The following TSR1 variants were observed in gnomAD, a reference collection of about 807,000 sequenced individuals.
TSR1 encodes the protein TSR1 ribosome maturation factor.
A neutral mutation model predicts 90.9 loss-of-function variants in TSR1; 81 were observed. The ratio of observed to expected loss-of-function variants is 0.89; its 90% confidence interval spans 0.74 to 1.07. TSR1 has a LOEUF of 1.07. TSR1 is among the 50% of genes least tolerant of loss of function. The pLI is 0.00. For missense variants in TSR1, 989 were observed against 987.3 expected (o/e 1.00, Z -0.02); for synonymous variants, 362 against 348.8 (o/e 1.04, Z -0.42).
chr17:2,335,157 C>G (rs569651091), intron 4 of TSR1, 103 bp downstream of exon 4: 2 of 1,305,632 alleles, frequency 1.5e-6, no homozygotes, highest in Non-Finnish European at 1.1e-6. Context: ...ATGTGTACAT[C>G]CCACCACCAG....
In TSR1 at chr17:2,322,807, C is replaced by T. The variant is rs147622777; in HGVS notation, c.*1389G>A. ...CTGGGATTACAGGCGTGAGCCACTG[C>T]GCCCCACCCCATTTTGGTGTGATCT... On this transcript the variant is annotated 3_prime_UTR_variant, in exon 15 of 15. Transcript: ENST00000301364. The T allele has an allele frequency of 6.1e-3, 1,978 of 322,054 alleles. 101 individuals are homozygous for T. In the Admixed American group the frequency reaches 0.08, roughly 13 times the overall value. 19.9% of individuals were successfully genotyped at this position (322,054 alleles called of 1,614,324 possible). A position where few individuals can be genotyped will look rare whatever the true frequency, so the allele number is the denominator to read the frequency against.
intron 7 of TSR1, among the ~76,000 whole-genome samples, 159 bp downstream of exon 7, chr17:2,332,802 A>C (rs1023337797): frequency 6.6e-6 from 1 of 152,056 alleles, no homozygotes; most frequent in African/African-American, 2.4e-5. Context: ...GCACCACTGC[A>C]CTCCAGCCTG....
chr17:2,334,526 G>A lies in TSR1; in HGVS notation c.927C>T (p.Phe309=), dbSNP rs1365745785. The change falls in exon 5 of 15, where the codon TTC becomes TTT. Residue 309 remains phenylalanine (F), a synonymous_variant. Transcript: ENST00000301364. Reference sequence around the variant, plus strand: ...GTTTAATTCCTCTAGGATTTAAAGGGAAAGGGTCTCCGGGGGCATCTATCT... The same window carrying A: ...GTTTAATTCCTCTAGGATTTAAAGGAAAAGGGTCTCCGGGGGCATCTATCT... ...MKQIDAPGDP[F]PLNPRGIKPQ... 1.2e-6 allele frequency: 2 copies of A among 1,614,124 alleles called. No individual in the cohort carries two copies. Among genetic ancestry groups the A allele is most frequent in the Non-Finnish European group, 8.5e-7 (1 of 1,180,032 alleles).
rs1466886355 is a variant in TSR1, at chr17:2,325,339, G to C, written c.1985C>G (p.Pro662Arg). ...TTGCTTGAAAAGCAGCACAGATGCA[G>C]GAGGAAAAGTGATTGGCGCATAGAC... ...ATVYAPITFP[P>R]ASVLLFKQKS... The change falls in exon 12 of 15, where the codon CCT becomes CGT. Residue 662 changes from proline (P) to arginine (R), a missense_variant. Coordinates refer to ENST00000301364, the MANE Select transcript of TSR1 (RefSeq NM_018128.5). The C allele has an allele frequency of 6.2e-7, 1 of 1,613,478 alleles. No individual in the cohort carries two copies. Among genetic ancestry groups the C allele is most frequent in the Non-Finnish European group, 8.5e-7 (1 of 1,179,930 alleles).
At chr17:2,331,287 C>G (rs1350078777) in intron 8 of TSR1, among the ~76,000 whole-genome samples, 178 bp from the exon 9 acceptor site, 2 of 152,200 alleles carry the variant, frequency 1.3e-5, no homozygotes, top group Non-Finnish European at 2.9e-5. Context: ...CAAGTTCTAT[C>G]GGAACCAAAC....
intron 2 of TSR1, 61 bp downstream of exon 2, chr17:2,335,976 G>C: frequency 6.5e-7 from 1 of 1,549,866 alleles, no homozygotes. Flanking sequence ...TTTCCACTTC[G>C]AGGCATTAGC....
At position 2,334,694 on chromosome 17, in the gene TSR1, T is replaced by C. The variant is rs535111490; in HGVS notation, c.759A>G (p.Leu253=). 19 of 1,613,462 alleles carry C rather than the reference T, an allele frequency of 1.2e-5. No individual in the cohort carries two copies. Among genetic ancestry groups the C allele is most frequent in the East Asian group, 2.2e-5 (1 of 44,884 alleles). The change falls in exon 5 of 15, where the codon CTA becomes CTG. Residue 253 remains leucine (L), a synonymous_variant. Transcript: ENST00000301364. ...HLAFRDRRAY[L]FAHAVDFVPS... is the part of the protein sequence containing the mutation. ...GAACAAAATCAACAGCATGGGCAAATAGGTAGGCCCGCCGATCTCGAAAAG... is the reference window on the plus strand; with the variant it reads ...GAACAAAATCAACAGCATGGGCAAACAGGTAGGCCCGCCGATCTCGAAAAG...
In TSR1 at chr17:2,335,708, A is replaced by G; in HGVS notation, c.224T>C (p.Leu75Pro). The G allele has an allele frequency of 1.9e-6, 3 of 1,613,496 alleles. No homozygotes were observed. Residue 75 changes from leucine (L) to proline (P), a missense_variant, in exon 3 of 15, where the codon CTG (leucine) becomes CCG (proline). Transcript: ENST00000301364. ...KEAVLAEKRQ[L>P]GGKDGPPHQV... is the part of the protein sequence containing the mutation. ...ATGAGGAGGGCCATCCTTGCCACCC[A>G]GCTGTCTCTTCTCTGCCAGAACCTG...
At chr17:2,329,145 G>A (rs372936422) in intron 11 of TSR1, 198 bp downstream of exon 11, 9 of 872,060 alleles carry the variant, frequency 1.0e-5, no homozygotes, top group African/African-American at 9.8e-5. Context: ...GTATCACACA[G>A]AAGTTGCATC....
chr17:2,336,202 C>A, intron 1 of TSR1, 62 bp from the exon 2 acceptor site: 1 of 1,601,232 alleles, frequency 6.2e-7, no homozygotes, highest in Non-Finnish European at 8.6e-7. Flanking sequence ...AAAGGGACTC[C>A]TCTCCGCCCA....
rs2151437146 is a variant in TSR1 at position 2,322,400 on chromosome 17, A to G, written c.*1796T>C. 6.6e-6 allele frequency: 1 copy of G among 152,420 alleles called. No homozygotes were observed. Among genetic ancestry groups the G allele is most frequent in the Non-Finnish European group, 1.5e-5 (1 of 68,082 alleles). 9.4% of individuals were successfully genotyped at this position (152,420 alleles called of 1,614,324 possible). A position where few individuals can be genotyped will look rare whatever the true frequency, so the allele number is the denominator to read the frequency against. On this transcript the variant is annotated 3_prime_UTR_variant, in exon 15 of 15. Transcript: ENST00000301364. ...GTGATCCAGGCAATGGAAGGCTAGT[A>G]TCAGACATATAATTTATTTATAAAG...
chr17:2,333,008 C>A lies in TSR1; in HGVS notation c.1258G>T (p.Glu420Ter), dbSNP rs771676015. 6.8e-6 allele frequency: 11 copies of A among 1,613,994 alleles called. No homozygotes were observed. The highest frequency in any genetic ancestry group is 9.3e-6 in the Non-Finnish European group (11 of 1,180,028). ...SQSGGEGDEY[E>*]YDDMEHEDFM... ...TCCTCATGTTCCATATCATCATATT[C>A]ATATTCATCTCCTTCCCCACCACTT... The change falls in exon 7 of 15, where the codon GAA (glutamate) becomes TAA (stop). Residue 420 changes from glutamate to a stop codon, truncating the protein, a stop_gained. Coordinates refer to ENST00000301364, the MANE Select transcript of TSR1 (RefSeq NM_018128.5). LOFTEE classifies it high-confidence loss of function.
intron 4 of TSR1, 137 bp from the exon 5 acceptor site, chr17:2,335,033 G>A (rs945605745): frequency 9.1e-6 from 10 of 1,101,134 alleles, no homozygotes; most frequent in Non-Finnish European, 1.3e-5. Flanking sequence ...TACCCTGAAG[G>A]AATTTCACAG....
rs1365022064 is a variant in TSR1 at position 2,335,637 on chromosome 17, C to T, written c.295G>A (p.Ala99Thr). Residue 99 changes from alanine (A) to threonine (T), a missense_variant, in exon 3 of 15, where the codon GCC (alanine) becomes ACC (threonine). By Grantham distance (58) the Ala-to-Thr change is moderately conservative. Transcript: ENST00000301364. ...TCCCTATCTTGAAGCAGCTGCATGG[C>T]CTCTGGCAGGGAAATTCTGCTGTGC... Reference protein sequence around the residue: ...PLHSRISLPEAMQLLQDRDTG... With the variant: ...PLHSRISLPETMQLLQDRDTG... The T allele has an allele frequency of 1.2e-6, 2 of 1,614,148 alleles. No homozygotes were observed. The highest frequency in any genetic ancestry group is 1.7e-6 in the Non-Finnish European group (2 of 1,180,028).
chr17:2,336,222 G>C, intron 1 of TSR1, 82 bp from the exon 2 acceptor site: 1 of 1,600,712 alleles, frequency 6.2e-7, no homozygotes, highest in Non-Finnish European at 8.6e-7. Context: ...ACCTTAGAAA[G>C]GGCCTTTCGC....
In TSR1 at chr17:2,323,310, G is replaced by A. The variant is rs1339086353; in HGVS notation, c.*886C>T. 9.3e-6 allele frequency: 15 copies of A among 1,614,030 alleles called. No individual in the cohort carries two copies. The highest frequency in any genetic ancestry group is 1.3e-5 in the Non-Finnish European group (15 of 1,179,926). ...CTGGCCTATTATCAGGGACCTTGTG[G>A]ATGATATCTTCACTGTCACAGAGGA... On this transcript the variant is annotated 3_prime_UTR_variant, in exon 15 of 15. Coordinates refer to ENST00000301364, the MANE Select transcript of TSR1 (RefSeq NM_018128.5).
intron 11 of TSR1, among the ~76,000 whole-genome samples, chr17:2,326,699 C>T (rs906297962): frequency 5.9e-5 from 9 of 152,190 alleles, no homozygotes; most frequent in African/African-American, 1.9e-4. Flanking sequence ...GTGAACACAG[C>T]TCACTGGAGC....
At chr17:2,331,376 A>G (rs1365379673) in intron 8 of TSR1, among the ~76,000 whole-genome samples, 1 of 152,156 alleles carries the variant, frequency 6.6e-6, no homozygotes, top group Non-Finnish European at 1.5e-5. Context: ...CCAATCTCAT[A>G]CTGAAATACA....
chr17:2,325,382 T>A lies in TSR1; in HGVS notation c.1942A>T (p.Met648Leu). 6.2e-7 allele frequency: 1 copy of A among 1,613,430 alleles called. No homozygotes were observed. Among genetic ancestry groups the A allele is most frequent in the South Asian group, 1.1e-5 (1 of 90,878 alleles). Reference protein sequence around the residue: ...HKLQRFLTADMALVATVYAPI... With the variant: ...HKLQRFLTADLALVATVYAPI... ...GCATAGACTGTCGCCACCAGGGCCA[T>A]GTCAGCAGTCAGGAATCTCTGCAAT... Residue 648 changes from methionine to leucine, a missense_variant, in exon 12 of 15, where the codon ATG becomes TTG. Transcript: ENST00000301364.
Sources: allele counts gnomAD v4.1 joint callset (sites outside exome capture counted in the v4.1 genomes callset), GRCh38; gene constraint gnomAD v4.1.1; transcripts MANE v1.5; gene names NCBI Gene and HGNC (gene_info 2026-07-23, HGNC 2026-07-21).